The following SH3RF2 variants were observed in gnomAD, a reference collection of about 807,000 sequenced individuals.
SH3RF2 encodes SH3 domain containing ring finger 2.
SH3RF2 carries 43 observed loss-of-function variants against 59.0 expected under a neutral mutation model. That is an observed-to-expected ratio of 0.73 (90% CI 0.57 to 0.94). SH3RF2 has a LOEUF of 0.94. Among genes scored for constraint, SH3RF2 ranks in the 40% least tolerant of loss-of-function variants. SH3RF2 has a pLI of 0.00. For missense variants in SH3RF2, 930 were observed against 940.1 expected, an observed-to-expected ratio of 0.99 and a Z score of 0.14; for synonymous variants, 391 against 391.5, an observed-to-expected ratio of 1.00 and a Z score of 0.01.
chr5:145,957,395 G>A (rs541084044), intron 2 of SH3RF2, among the ~76,000 whole-genome samples: 5 of 152,190 alleles, frequency 3.3e-5, no homozygotes, highest in East Asian at 1.9e-4. Flanking sequence ...GCAGAGAAGC[G>A]GATGAATTTA....
At chr5:145,939,838 G>GTA (rs2149937171) in intron 2 of SH3RF2, among the ~76,000 whole-genome samples, 1 of 152,300 alleles carries the variant, frequency 6.6e-6, no homozygotes, top group African/African-American at 2.4e-5. Context: ...CCTTGCAGAA[G>GTA]TCTGACCTGC....
At chr5:146,019,886 A>G (rs1394134579) in intron 5 of SH3RF2, among the ~76,000 whole-genome samples, 1 of 151,436 alleles carries the variant, frequency 6.6e-6, no homozygotes, top group Non-Finnish European at 1.5e-5. Context: ...AAAGGGATTG[A>G]GTTCTTTATT....
chr5:146,054,465 G>T (rs997874743), intron 7 of SH3RF2, among the ~76,000 whole-genome samples: 1 of 152,212 alleles, frequency 6.6e-6, no homozygotes, highest in Non-Finnish European at 1.5e-5. Flanking sequence ...AAGACAGGCA[G>T]ATCAGTTGCA....
chr5:146,009,354 A>T (rs1760782922), intron 4 of SH3RF2, among the ~76,000 whole-genome samples: 1 of 151,890 alleles, frequency 6.6e-6, no homozygotes, highest in Non-Finnish European at 1.5e-5. Flanking sequence ...GGCCTCTTTT[A>T]TCACCTTCTC....
At chr5:146,046,767 C>CT (rs56115378) in intron 5 of SH3RF2, among the ~76,000 whole-genome samples, 2,233 of 145,052 alleles carry the variant, frequency 0.015, 36 homozygotes, top group African/African-American at 0.047. Flanking sequence ...TTTACAGGAA[C>CT]TTTTTTTTTT....
chr5:145,942,468 G>T (rs1164137125), intron 2 of SH3RF2, among the ~76,000 whole-genome samples: 2 of 152,040 alleles, frequency 1.3e-5, no homozygotes, highest in African/African-American at 4.8e-5. Context: ...CAACTGATGG[G>T]GAAAAAAAAT....
At chr5:146,018,314 A>G (rs2149996100) in intron 5 of SH3RF2, among the ~76,000 whole-genome samples, 1 of 152,134 alleles carries the variant, frequency 6.6e-6, no homozygotes, top group East Asian at 1.9e-4. Flanking sequence ...TTTCATACCC[A>G]TAGTTTATCT....
At chr5:146,022,507 C>T (rs1761360467) in intron 5 of SH3RF2, among the ~76,000 whole-genome samples, 1 of 152,160 alleles carries the variant, frequency 6.6e-6, no homozygotes, top group African/African-American at 2.4e-5. Context: ...ATCATTTCGT[C>T]CAGAAAAATG....
chr5:145,940,146 G>T (rs1470394324), intron 2 of SH3RF2, among the ~76,000 whole-genome samples: 3 of 152,108 alleles, frequency 2.0e-5, no homozygotes, highest in Non-Finnish European at 4.4e-5. Flanking sequence ...TCAGACTATC[G>T]TCTGTGCCCA....
chr5:145,994,947 C>T (rs533812769), intron 2 of SH3RF2, among the ~76,000 whole-genome samples: 4 of 152,072 alleles, frequency 2.6e-5, no homozygotes, highest in African/African-American at 9.6e-5. Context: ...TAGATCTTTT[C>T]TTCTTTATCT....
At chr5:146,047,287 C>T (rs1244993131) in intron 5 of SH3RF2, among the ~76,000 whole-genome samples, 1 of 152,090 alleles carries the variant, frequency 6.6e-6, no homozygotes, top group East Asian at 1.9e-4. Flanking sequence ...CTCTTTGTCT[C>T]AGTTTCTCAT....
chr5:146,025,380 CG>C (rs1561748926), intron 5 of SH3RF2, among the ~76,000 whole-genome samples: 1 of 152,256 alleles, frequency 6.6e-6, no homozygotes, highest in African/African-American at 2.4e-5. Context: ...TTGCCACTGC[CG>C]TAGGCTGGCC....
At chr5:146,030,762 CA>C (rs1362730076) in intron 5 of SH3RF2, among the ~76,000 whole-genome samples, 1 of 76,056 alleles carries the variant, frequency 1.3e-5, no homozygotes, top group Non-Finnish European at 2.6e-5. Flanking sequence ...TATTGGGGGG[CA>C]GGGGTGGGGG....
At chr5:146,028,173 C>CACAT (rs1761606176) in intron 5 of SH3RF2, among the ~76,000 whole-genome samples, 3 of 69,890 alleles carry the variant, frequency 4.3e-5, no homozygotes, top group African/African-American at 1.1e-4. Context: ...AACACACACA[C>CACAT]ACACACACAC....
intron 2 of SH3RF2, among the ~76,000 whole-genome samples, chr5:145,978,175 C>T (rs1231325492): frequency 6.6e-6 from 1 of 152,166 alleles, no homozygotes; most frequent in African/African-American, 2.4e-5. Context: ...TTCCTGAAAT[C>T]AGATTCCCTA....
At chr5:145,974,943 G>C (rs1759230899) in intron 2 of SH3RF2, among the ~76,000 whole-genome samples, 1 of 152,202 alleles carries the variant, frequency 6.6e-6, no homozygotes, top group Non-Finnish European at 1.5e-5. Context: ...TAAAAAAATA[G>C]AATCTAGAAC....
chr5:145,967,188 C>T (rs73312120), intron 2 of SH3RF2, among the ~76,000 whole-genome samples: 11,857 of 152,036 alleles, frequency 0.078, 1,571 homozygotes, highest in African/African-American at 0.27. Context: ...TTAAAGTTAC[C>T]GTTTGGGCAA....
chr5:145,938,123 C>G lies in SH3RF2; in HGVS notation c.195C>G (p.Ala65=), dbSNP rs1423367308. 1.2e-6 allele frequency: 2 copies of G among 1,614,110 alleles called. No homozygotes were observed. The highest frequency in any genetic ancestry group is 1.7e-6 in the Non-Finnish European group (2 of 1,180,052). ...PVFSNIEALP[A]NLLLVRLLDG... ...TTTCCAACATTGAGGCGCTGCCGGC[C>G]AACCTGCTGCTCGTGCGCCTTCTGG... The change falls in exon 2 of 10, where the codon GCC becomes GCG. Residue 65 remains alanine, a synonymous_variant. Transcript: ENST00000359120.
chr5:146,010,293 A>G (rs1480867209), intron 4 of SH3RF2, among the ~76,000 whole-genome samples: 1 of 152,050 alleles, frequency 6.6e-6, no homozygotes, highest in Non-Finnish European at 1.5e-5. Flanking sequence ...GGACATTTGG[A>G]TTGGTTCCAA....
Sources: allele counts gnomAD v4.1 joint callset (sites outside exome capture counted in the v4.1 genomes callset), GRCh38; gene constraint gnomAD v4.1.1; transcripts MANE v1.5; gene names NCBI Gene and HGNC (gene_info 2026-07-23, HGNC 2026-07-21).